Variants in RTN1 observed in about 807,000 individuals in gnomAD.
RTN1 encodes reticulon-1.
In RTN1, 25 loss-of-function variants were observed where a neutral mutation model predicts 65.5. That is an observed-to-expected ratio of 0.38 (90% confidence interval 0.28 to 0.53). The LOEUF is 0.53. Among genes scored for constraint, RTN1 ranks in the 20% least tolerant of loss-of-function variants. The probability of loss-of-function intolerance (pLI) is 0.79; values close to 1 mark genes in which losing one functional copy is unlikely to be tolerated. For missense variants in RTN1, 983 were observed against 1,025.4 expected, an observed-to-expected ratio of 0.96 and a Z score of 0.57; for synonymous variants, 471 against 447.6, an observed-to-expected ratio of 1.05 and a Z score of -0.66.
chr14:59,748,470 G>A (rs759819196), intron 1 of RTN1, among the ~76,000 whole-genome samples: 5 of 151,438 alleles, frequency 3.3e-5, no homozygotes, highest in African/African-American at 9.7e-5. Context: ...CTCAAATGTC[G>A]CCGTCTTAAG....
At chr14:59,685,431 C>T (rs1445366910) in intron 3 of RTN1, among the ~76,000 whole-genome samples, 5 of 151,918 alleles carry the variant, frequency 3.3e-5, no homozygotes, top group Non-Finnish European at 7.4e-5. Context: ...GAAGACTCCA[C>T]CAAAAAAACT....
At position 59,660,485 on chromosome 14, in the gene RTN1, T is replaced by C. The variant is rs188567706; in HGVS notation, c.1766-52993A>G. Among the ~76,000 whole-genome samples, 51 of 152,290 alleles carry C rather than the reference T, an allele frequency of 3.3e-4. No individual in the cohort carries two copies. In the East Asian group the frequency reaches 5.0e-3, roughly 15 times the overall value. ...CTTATTCTAAAATTGACCATGTAATTGGAAGTAAAACACTCTTCAGCAAAT... is the reference window on the plus strand; with the variant it reads ...CTTATTCTAAAATTGACCATGTAATCGGAAGTAAAACACTCTTCAGCAAAT... On this transcript the variant is annotated intron_variant, in intron 3 of 8. Coordinates refer to ENST00000267484, the MANE Select transcript of RTN1 (RefSeq NM_021136.3).
At position 59,709,251 on chromosome 14, in the gene RTN1, T is replaced by C. The variant is rs1009404216; in HGVS notation, c.1765+17668A>G. 3.9e-5 allele frequency among the ~76,000 whole-genome samples: 6 copies of C among 152,190 alleles called. 1 individual carries two copies. Among genetic ancestry groups the C allele is most frequent in the African/African-American group, 1.4e-4 (6 of 41,454 alleles). ...AACAAATATGACAAAATGATAATAA[T>C]TGTTAAATTTTGTTTATCTATATAT... On this transcript the variant is annotated intron_variant, in intron 3 of 8. Transcript: ENST00000267484.
chr14:59,821,406 C>T (rs996482990), intron 1 of RTN1, among the ~76,000 whole-genome samples: 3 of 152,280 alleles, frequency 2.0e-5, no homozygotes, highest in Admixed American at 2.0e-4. Context: ...TCAATTCTCC[C>T]AGCCTTTGGA....
At chr14:59,628,084 C>T (rs2140182363) in intron 3 of RTN1, among the ~76,000 whole-genome samples, 2 of 152,092 alleles carry the variant, frequency 1.3e-5, no homozygotes, top group East Asian at 3.9e-4. Context: ...CCTGTAATCC[C>T]AACACTTTGG....
In RTN1 at chr14:59,638,718, A is replaced by C. The variant is rs979337120; in HGVS notation, c.1766-31226T>G. Among the ~76,000 whole-genome samples the C allele has an allele frequency of 2.0e-5, 3 of 152,206 alleles. No individual in the cohort carries two copies. In the South Asian group the frequency reaches 6.2e-4, roughly 31 times the overall value. ...CCTCACCTCTCTCAGCCTTCATAAAATTAAAGAGTGAGGGCCTTGGTCTGG... is the reference window on the plus strand; with the variant it reads ...CCTCACCTCTCTCAGCCTTCATAAACTTAAAGAGTGAGGGCCTTGGTCTGG... On this transcript the variant is annotated intron_variant, in intron 3 of 8. Transcript: ENST00000267484.
intron 1 of RTN1, among the ~76,000 whole-genome samples, chr14:59,754,718 AC>A (rs1224071540): frequency 6.6e-6 from 1 of 152,008 alleles, no homozygotes; most frequent in East Asian, 1.9e-4. Flanking sequence ...GGAGAACACT[AC>A]TCATCTCCAA....
intron 3 of RTN1, among the ~76,000 whole-genome samples, chr14:59,659,297 C>T (rs10137057): frequency 0.065 from 9,940 of 152,022 alleles, 1,071 homozygotes; most frequent in African/African-American, 0.23. Flanking sequence ...GAGAATGGAA[C>T]CAAGTTGGAA....
In RTN1 at chr14:59,749,270, A is replaced by C. The variant is rs1172288947; in HGVS notation, c.242-2789T>G. On this transcript the variant is annotated intron_variant, in intron 1 of 8. Coordinates refer to ENST00000267484, the MANE Select transcript of RTN1 (RefSeq NM_021136.3). ...TATCTATATATCTATATATATCTATATATATATCTATATATATCTATATAT... is the reference window on the plus strand; with the variant it reads ...TATCTATATATCTATATATATCTATCTATATATCTATATATATCTATATAT... 1.1e-4 allele frequency among the ~76,000 whole-genome samples: 4 copies of C among 35,368 alleles called. 1 individual carries two copies. Among genetic ancestry groups the C allele is most frequent in the African/African-American group, 4.1e-4 (2 of 4,912 alleles). The allele number at this position is 35,368 out of a possible 152,430, so 23.2% of individuals were successfully genotyped here.
At chr14:59,675,447 G>A (rs943026058) in intron 3 of RTN1, among the ~76,000 whole-genome samples, 1 of 146,670 alleles carries the variant, frequency 6.8e-6, no homozygotes, top group Non-Finnish European at 1.5e-5. Flanking sequence ...TAGGACTTGG[G>A]GGGGGGGCGC....
At chr14:59,759,084 A>G (rs1885697229) in intron 1 of RTN1, among the ~76,000 whole-genome samples, 1 of 152,188 alleles carries the variant, frequency 6.6e-6, no homozygotes, top group African/African-American at 2.4e-5. Context: ...CATATGGCAC[A>G]TCATATATCC....
intron 1 of RTN1, among the ~76,000 whole-genome samples, chr14:59,815,066 A>G (rs963464996): frequency 2.0e-5 from 3 of 152,220 alleles, no homozygotes; most frequent in African/African-American, 7.2e-5. Context: ...TACTCCAAAC[A>G]GGGCATGTAA....
At chr14:59,770,356 G>A (rs1403829175) in intron 1 of RTN1, among the ~76,000 whole-genome samples, 3 of 105,258 alleles carry the variant, frequency 2.9e-5, no homozygotes, top group African/African-American at 1.0e-4. Context: ...CCAGCCTGGG[G>A]AACAAGAGTG....
At chr14:59,817,167 T>C (rs1417497434) in intron 1 of RTN1, among the ~76,000 whole-genome samples, 2 of 152,152 alleles carry the variant, frequency 1.3e-5, no homozygotes, top group African/African-American at 4.8e-5. Context: ...ACGAGCGTGA[T>C]GGTCCCTGTT....
intron 3 of RTN1, among the ~76,000 whole-genome samples, chr14:59,615,286 C>T (rs1362977196): frequency 6.6e-6 from 1 of 151,956 alleles, no homozygotes; most frequent in African/African-American, 2.4e-5. Flanking sequence ...CCTGTCTCTA[C>T]TAAAAATGCA....
At chr14:59,762,314 G>A (rs1224069159) in intron 1 of RTN1, among the ~76,000 whole-genome samples, 2 of 152,134 alleles carry the variant, frequency 1.3e-5, no homozygotes, top group Non-Finnish European at 2.9e-5. Flanking sequence ...CTTGCAAAAG[G>A]AGGATAATAA....
At chr14:59,725,227 G>A (rs1884732578) in intron 3 of RTN1, among the ~76,000 whole-genome samples, 2 of 152,188 alleles carry the variant, frequency 1.3e-5, no homozygotes, top group Non-Finnish European at 2.9e-5. Context: ...CTCTCAATAG[G>A]CCTGCAAAGT....
intron 1 of RTN1, among the ~76,000 whole-genome samples, chr14:59,820,369 T>G (rs1886921299): frequency 1.3e-5 from 2 of 149,790 alleles, no homozygotes; most frequent in East Asian, 1.9e-4. Context: ...TTTTTTTTTT[T>G]TTTTTTTTTT....
intron 1 of RTN1, among the ~76,000 whole-genome samples, chr14:59,784,015 T>C (rs559756726): frequency 6.6e-5 from 10 of 152,346 alleles, no homozygotes; most frequent in South Asian, 2.1e-4. Flanking sequence ...GTTTGTTATT[T>C]CTTCCTCTGC....
Sources: gnomAD v4.1 joint callset for allele counts (sites outside exome capture counted in the v4.1 genomes callset) on GRCh38, gnomAD v4.1.1 for gene constraint, MANE v1.5 for transcripts, NCBI Gene and HGNC (gene_info 2026-07-23, HGNC 2026-07-21) for gene names.